Variants in SPAG16 observed in about 807,000 individuals in gnomAD.
SPAG16 encodes the protein sperm-associated antigen 16 protein.
Under a neutral mutation model 80.4 loss-of-function variants are expected in SPAG16, and 86 were observed. The ratio of observed to expected loss-of-function variants is 1.07; its 90% CI spans 0.90 to 1.28. The LOEUF is 1.28. Ranked by LOEUF, SPAG16 falls within the 50% of genes most tolerant of loss-of-function variation. The pLI is 0.00. For synonymous variants in SPAG16, 294 were observed against 265.9 expected (o/e 1.11, Z -1.03); for missense variants, 870 against 765.3 (o/e 1.14, Z -1.61).
intron 9 of SPAG16, among the ~76,000 whole-genome samples, chr2:213,401,755 G>A (rs558639547): frequency 2.6e-5 from 4 of 151,928 alleles, no homozygotes; most frequent in African/African-American, 7.2e-5. Flanking sequence ...GTTTTTGGAC[G>A]TGTTTCTACC....
At chr2:213,459,090 A>T (rs139869448) in intron 9 of SPAG16, among the ~76,000 whole-genome samples, 9 of 151,892 alleles carry the variant, frequency 5.9e-5, no homozygotes, top group African/African-American at 1.4e-4. Flanking sequence ...TTTGTACCTT[A>T]TATTCTTTTC....
At chr2:214,234,890 A>C (rs933581373) in intron 15 of SPAG16, among the ~76,000 whole-genome samples, 2 of 152,086 alleles carry the variant, frequency 1.3e-5, no homozygotes, top group African/African-American at 4.8e-5. Flanking sequence ...CACAGAGGCA[A>C]TTTTTTATTT....
At chr2:214,002,514 AC>A (rs2046838623) in intron 12 of SPAG16, among the ~76,000 whole-genome samples, 1 of 152,174 alleles carries the variant, frequency 6.6e-6, no homozygotes. Flanking sequence ...GTGAAACAGA[AC>A]CAATAGGAGA....
At position 214,008,153 on chromosome 2, in the gene SPAG16, A is replaced by C. The variant is rs2047112859; in HGVS notation, c.1401-5798A>C. 2.6e-5 allele frequency among the ~76,000 whole-genome samples: 4 copies of C among 151,980 alleles called. No homozygotes were observed. The South Asian group carries it at 8.3e-4, about 32-fold the overall frequency. Reference sequence around the variant, plus strand: ...ATTTTTTCCTTCAGTACCCAATCTGATATTTTGCTCACCCAGCTAACATTT... The same window carrying C: ...ATTTTTTCCTTCAGTACCCAATCTGCTATTTTGCTCACCCAGCTAACATTT... On this transcript the variant is annotated intron_variant, in intron 12 of 15. Transcript: ENST00000331683.
In SPAG16 at chr2:213,292,663, C is replaced by CA. The variant is rs1248465249; in HGVS notation, c.137-3389dup. Among the ~76,000 whole-genome samples, 183 of 76,174 alleles carry CA rather than the reference C, an allele frequency of 2.4e-3. 4 individuals carry two copies. Among genetic ancestry groups the CA allele is most frequent in the East Asian group, 6.2e-3 (13 of 2,110 alleles). The allele number at this position is 76,174 out of a possible 152,430, so 50.0% of individuals were successfully genotyped here. A position where few individuals can be genotyped will look rare whatever the true frequency, so the allele number is the denominator to read the frequency against. On this transcript the variant is annotated intron_variant, in intron 1 of 15. Coordinates refer to ENST00000331683, the MANE Select transcript of SPAG16 (RefSeq NM_024532.5). ...TGGGCGACAGAGCGAGACTCCGTCT[C>CA]AAAAAAAAAAAACAAAAAAAACAAA...
intron 15 of SPAG16, among the ~76,000 whole-genome samples, chr2:214,397,387 G>A (rs991099476): frequency 1.3e-5 from 2 of 151,818 alleles, no homozygotes; most frequent in Non-Finnish European, 2.9e-5. Context: ...CTCAATCTCC[G>A]GACCTCGTGA....
At chr2:214,364,138 T>C (rs998953876) in intron 15 of SPAG16, among the ~76,000 whole-genome samples, 2 of 152,154 alleles carry the variant, frequency 1.3e-5, no homozygotes, top group South Asian at 2.1e-4. Flanking sequence ...GTCACCACTA[T>C]CTTTTCATTC....
chr2:213,623,244 C>CT (rs34142163), intron 10 of SPAG16, among the ~76,000 whole-genome samples: 5 of 150,948 alleles, frequency 3.3e-5, no homozygotes, highest in South Asian at 2.1e-4. Flanking sequence ...CTATCATTTA[C>CT]TTTTTTTTTA....
chr2:213,876,839 G>A (rs2076161372), intron 11 of SPAG16, among the ~76,000 whole-genome samples: 2 of 152,116 alleles, frequency 1.3e-5, no homozygotes, highest in South Asian at 4.1e-4. Flanking sequence ...TCGCTCAGAT[G>A]CATGTCCTTT....
intron 15 of SPAG16, among the ~76,000 whole-genome samples, chr2:214,181,867 T>A (rs1294467279): frequency 1.3e-5 from 2 of 151,824 alleles, no homozygotes. Context: ...CTACCATGCC[T>A]CTTGCATCAC....
chr2:214,362,281 A>G (rs572200037), intron 15 of SPAG16, among the ~76,000 whole-genome samples: 2 of 152,008 alleles, frequency 1.3e-5, no homozygotes, highest in Middle Eastern at 3.4e-3. Flanking sequence ...ATTCCTAAGT[A>G]CATCAGAATG....
At chr2:214,090,467 T>C (rs2052107830) in intron 13 of SPAG16, among the ~76,000 whole-genome samples, 1 of 151,728 alleles carries the variant, frequency 6.6e-6, no homozygotes, top group Non-Finnish European at 1.5e-5. Flanking sequence ...TTAATACGTC[T>C]CAATCACAGT....
At chr2:214,063,089 A>AT in intron 13 of SPAG16, among the ~76,000 whole-genome samples, 1 of 152,154 alleles carries the variant, frequency 6.6e-6, no homozygotes, top group Non-Finnish European at 1.5e-5. Context: ...GATTTTTGGT[A>AT]TTTTTTTCAT....
At position 213,449,517 on chromosome 2, in the gene SPAG16, G is replaced by C. The variant is rs1264480778; in HGVS notation, c.943-40446G>C. Among the ~76,000 whole-genome samples the C allele has an allele frequency of 2.0e-5, 3 of 152,214 alleles. No individual in the cohort carries two copies. The East Asian group carries it at 5.8e-4, about 29-fold the overall frequency. On this transcript the variant is annotated intron_variant, in intron 9 of 15. Transcript: ENST00000331683. ...GCAGGCATCATGGTCCTACCGATAT[G>C]TGATGTCACCCCTCGCGGCCCAGAT...
In SPAG16 at chr2:213,446,973, A is replaced by G. The variant is rs950673228; in HGVS notation, c.943-42990A>G. Among the ~76,000 whole-genome samples the G allele has an allele frequency of 2.6e-5, 4 of 152,132 alleles. No homozygotes were observed. The East Asian group carries it at 7.7e-4, about 29-fold the overall frequency. ...CTCCTTTAAGACAAATGAAAGGGGGAGTAATGAGAGATACCCCATACTTTC... is the reference window on the plus strand; with the variant it reads ...CTCCTTTAAGACAAATGAAAGGGGGGGTAATGAGAGATACCCCATACTTTC... On this transcript the variant is annotated intron_variant, in intron 9 of 15. Coordinates refer to ENST00000331683, the MANE Select transcript of SPAG16 (RefSeq NM_024532.5).
At chr2:214,097,612 T>C (rs1258104602) in intron 13 of SPAG16, among the ~76,000 whole-genome samples, 1 of 151,992 alleles carries the variant, frequency 6.6e-6, no homozygotes, top group Non-Finnish European at 1.5e-5. Flanking sequence ...GTGGAGGTCA[T>C]GTGGTTAGGA....
At chr2:214,151,722 A>G (rs1345855365) in intron 15 of SPAG16, among the ~76,000 whole-genome samples, 1 of 151,604 alleles carries the variant, frequency 6.6e-6, no homozygotes, top group African/African-American at 2.4e-5. Flanking sequence ...TTGTGCAGTT[A>G]TATACACCTA....
intron 10 of SPAG16, among the ~76,000 whole-genome samples, chr2:213,657,750 A>G (rs1574677193): frequency 6.6e-6 from 1 of 152,132 alleles, no homozygotes; most frequent in Non-Finnish European, 1.5e-5. Context: ...CCCCTTTTTA[A>G]TGGTTTACTG....
Position 213,975,918 on chromosome 2 carries a change from A to G in SPAG16, c.1401-38033A>G, listed in dbSNP as rs116861445. ...GGTTCTGGTTAACGGGTTCTTGTGA[A>G]GTTGCCATCAGTGTTGTTTATGGTT... On this transcript the variant is annotated intron_variant, in intron 12 of 15. Transcript: ENST00000331683. 2.7e-3 allele frequency among the ~76,000 whole-genome samples: 411 copies of G among 151,796 alleles called. 10 individuals carry two copies. The highest frequency in any genetic ancestry group is 0.018 in the East Asian group (91 of 5,152).
Sources: allele counts gnomAD v4.1 joint callset (sites outside exome capture counted in the v4.1 genomes callset), GRCh38; gene constraint gnomAD v4.1.1; transcripts MANE v1.5; gene names NCBI Gene and HGNC (gene_info 2026-07-23, HGNC 2026-07-21).